The following NID1 variants were observed in gnomAD, a reference collection of about 807,000 sequenced individuals.
NID1 encodes nidogen-1.
Under a neutral mutation model 130.6 loss-of-function variants are expected in NID1, and 76 were observed. The ratio of observed to expected loss-of-function variants is 0.58; its 90% CI spans 0.48 to 0.70. The LOEUF is 0.70. Ranked by LOEUF, NID1 falls within the 30% of genes least tolerant of loss-of-function variation. NID1 has a pLI of 0.00. For missense variants in NID1, 1,517 were observed against 1,664.8 expected (o/e 0.91, Z 1.54); for synonymous variants, 665 against 675.1 (o/e 0.98, Z 0.23).
chr1:236,021,017 C>T (rs750914243), intron 9 of NID1, among the ~76,000 whole-genome samples: 29 of 152,186 alleles, frequency 1.9e-4, no homozygotes, highest in East Asian at 1.2e-3. Context: ...GAATTAGCCA[C>T]GAGGTCACAG....
chr1:235,988,302 A>C (rs12566913), intron 14 of NID1, among the ~76,000 whole-genome samples: 38,003 of 152,148 alleles, frequency 0.25, 5,773 homozygotes, highest in East Asian at 0.63. Context: ...TCAGTGTCAT[A>C]AATTATTAGG....
rs202146601 is a variant in NID1, at chr1:236,035,000, T to C, written c.1286-2348A>G. On this transcript the variant is annotated intron_variant, in intron 5 of 19. Transcript: ENST00000264187. The stretch of plus-strand genomic sequence containing the variant: ...TTTTTTTTTCTTTCTTTCTTTCTTT[T>C]TTTTTATTATACTTTAAGTTTTAGG... Among the ~76,000 whole-genome samples the C allele has an allele frequency of 1.6e-4, 24 of 150,690 alleles. 1 individual carries two copies. The East Asian group carries it at 4.3e-3, about 27-fold the overall frequency.
intron 4 of NID1, among the ~76,000 whole-genome samples, chr1:236,039,164 G>T (rs1659370896): frequency 7.1e-6 from 1 of 141,718 alleles, no homozygotes; most frequent in African/African-American, 2.6e-5. Flanking sequence ...CATTATAACA[G>T]ATAAAATATA....
At chr1:236,042,664 C>T (rs528377383) in intron 3 of NID1, among the ~76,000 whole-genome samples, 1 of 152,364 alleles carries the variant, frequency 6.6e-6, no homozygotes, top group South Asian at 2.1e-4. Flanking sequence ...GGACTGAAGT[C>T]ATTCATGCTC....
In NID1 at chr1:236,041,678, A is replaced by G. The variant is rs559476896; in HGVS notation, c.1135+232T>C. Among the ~76,000 whole-genome samples, 6 of 152,304 alleles carry G rather than the reference A, an allele frequency of 3.9e-5. No individual in the cohort carries two copies. In the East Asian group the frequency reaches 1.2e-3, roughly 29 times the overall value. The stretch of plus-strand genomic sequence containing the variant: ...AGGAAACTTGAAAGAAGACACACTC[A>G]ACAGTCTCCAAAACCATGGTCCTAA... On this transcript the variant is annotated intron_variant, in intron 4 of 19. Coordinates refer to ENST00000264187, the MANE Select transcript of NID1 (RefSeq NM_002508.3).
chr1:236,021,528 A>T (rs1658764963), intron 9 of NID1, among the ~76,000 whole-genome samples: 1 of 152,214 alleles, frequency 6.6e-6, no homozygotes, highest in Admixed American at 6.5e-5. Flanking sequence ...TTCATGTTAC[A>T]TCAGCACACC....
In NID1 at chr1:235,980,571, C is replaced by A. The variant is rs1657408149; in HGVS notation, c.3310G>T (p.Val1104Leu). 1.2e-6 allele frequency: 2 copies of A among 1,614,150 alleles called. No homozygotes were observed. Among genetic ancestry groups the A allele is most frequent in the South Asian group, 2.2e-5 (2 of 91,090 alleles). Reference sequence around the variant, plus strand: ...TTGGGCAAGCCCAGGTCATCCTGCACAAGGATCCTCCGGTTCGTGCCGTCC... The same window carrying A: ...TTGGGCAAGCCCAGGTCATCCTGCAAAAGGATCCTCCGGTTCGTGCCGTCC... ...YMDGTNRRIL[V>L]QDDLGLPNGL... The change falls in exon 17 of 20, where the codon GTG becomes TTG. Residue 1104 changes from valine to leucine, a missense_variant. Coordinates refer to ENST00000264187, the MANE Select transcript of NID1 (RefSeq NM_002508.3).
chr1:235,998,024 G>T (rs939334286), intron 12 of NID1, among the ~76,000 whole-genome samples: 2 of 152,190 alleles, frequency 1.3e-5, no homozygotes, highest in African/African-American at 4.8e-5. Context: ...GACTGTTTGA[G>T]GAGTCAGTGG....
Position 236,029,693 on chromosome 1 carries a change from A to C in NID1, c.1595T>G (p.Val532Gly). The C allele has an allele frequency of 6.2e-7, 1 of 1,614,076 alleles. No individual in the cohort carries two copies. Among genetic ancestry groups the C allele is most frequent in the Non-Finnish European group, 8.5e-7 (1 of 1,180,026 alleles). Reference protein sequence around the residue: ...VTFVGHPGNLVIKQRFSGIDE... With the variant: ...VTFVGHPGNLGIKQRFSGIDE... The stretch of plus-strand genomic sequence containing the variant: ...GATGCCGCTGAACCGCTGCTTAATG[A>C]CCAGATTGCCCGGGTGCCCCACGAA... The change falls in exon 7 of 20, where the codon GTC becomes GGC. Residue 532 changes from valine (V) to glycine (G), a missense_variant. By Grantham distance (109) the Val-to-Gly change is moderately radical. Coordinates refer to ENST00000264187, the MANE Select transcript of NID1 (RefSeq NM_002508.3).
At chr1:235,998,819 C>T (rs1467375063) in intron 12 of NID1, among the ~76,000 whole-genome samples, 3 of 152,114 alleles carry the variant, frequency 2.0e-5, no homozygotes, top group Non-Finnish European at 4.4e-5. Flanking sequence ...CATTGCAATC[C>T]TATGTGATAA....
At position 235,979,833 on chromosome 1, in the gene NID1, T is replaced by C; in HGVS notation, c.3498A>G (p.Thr1166=). ...VTSYGKNLYF[T]DWKMNSVVAL... The stretch of plus-strand genomic sequence containing the variant: ...TACAGCTGACGTACATCTTCCAGTC[T>C]GTGAAATACAGATTCTTCCCGTAGC... The change falls in exon 18 of 20, where the codon ACA becomes ACG. Residue 1166 remains threonine (T), a synonymous_variant. Transcript: ENST00000264187. This position sits in a 1 kb window ranked among gnomAD's most constrained non-coding sequence, Gnocchi z 4.6. 1.2e-6 allele frequency: 2 copies of C among 1,613,958 alleles called. No individual in the cohort carries two copies. The highest frequency in any genetic ancestry group is 1.7e-6 in the Non-Finnish European group (2 of 1,179,870).
At chr1:236,023,220 C>T (rs987544207) in intron 9 of NID1, among the ~76,000 whole-genome samples, 3 of 152,116 alleles carry the variant, frequency 2.0e-5, no homozygotes, top group East Asian at 1.9e-4. Context: ...GCAACCCATG[C>T]GTCCACTGAT....
Position 235,993,865 on chromosome 1 carries a change from C to T in NID1, c.2535G>A (p.Glu845=), listed in dbSNP as rs1219258113. Residue 845 remains glutamate, a synonymous_variant, in exon 13 of 20, where the codon GAG becomes GAA. Transcript: ENST00000264187. ...DGFRCVPGEV[E]KTRCQHEREH... ...CTCGCTCGTGCTGGCACCGGGTTTTCTCCACCTCTATCAGAGAAACAGGCA... is the reference window on the plus strand; with the variant it reads ...CTCGCTCGTGCTGGCACCGGGTTTTTTCCACCTCTATCAGAGAAACAGGCA... 2 of 1,611,014 alleles carry T rather than the reference C, an allele frequency of 1.2e-6. No homozygotes were observed. The highest frequency in any genetic ancestry group is 2.2e-5 in the East Asian group (1 of 44,778).
intron 1 of NID1, 100 bp downstream of exon 1, chr1:236,064,755 C>T: frequency 8.7e-7 from 1 of 1,151,134 alleles, no homozygotes; most frequent in Non-Finnish European, 1.2e-6. Context: ...CCAGCGGGTC[C>T]GGGTCCCCGC....
At chr1:236,054,796 C>T (rs1399345698) in intron 1 of NID1, among the ~76,000 whole-genome samples, 1 of 151,492 alleles carries the variant, frequency 6.6e-6, no homozygotes, top group Non-Finnish European at 1.5e-5. Context: ...TGTGTGCCAC[C>T]ACATCTGGCT....
chr1:236,037,946 C>T (rs952634750), intron 5 of NID1, among the ~76,000 whole-genome samples, 158 bp downstream of exon 5: 3 of 151,876 alleles, frequency 2.0e-5, no homozygotes, highest in African/African-American at 4.8e-5. Flanking sequence ...GTAGAGAATA[C>T]GAGAAAAAAT....
intron 2 of NID1, among the ~76,000 whole-genome samples, 153 bp from the exon 3 acceptor site, chr1:236,045,836 C>G (rs1199949716): frequency 6.6e-6 from 1 of 152,160 alleles, no homozygotes; most frequent in Non-Finnish European, 1.5e-5. Flanking sequence ...TAGCAAGAAC[C>G]TAGGATTCTG....
chr1:236,045,571 T>C lies in NID1; in HGVS notation c.638A>G (p.Asn213Ser), dbSNP rs141083036. The C allele has an allele frequency of 6.4e-4, 1,034 of 1,614,168 alleles. 2 individuals carry two copies. Among genetic ancestry groups the C allele is most frequent in the Middle Eastern group, 2.3e-3 (14 of 6,062 alleles). Residue 213 changes from asparagine (N) to serine (S), a missense_variant, in exon 3 of 20, where the codon AAC becomes AGC. By Grantham distance (46) the Asn-to-Ser change is conservative. Around this residue, in one of 3 missense-constraint regions of NID1, gnomAD observed 1,329 missense variants for 1,429.2 expected, o/e 0.93. Transcript: ENST00000264187. ...FHTTFSKKEN[N>S]QVPAVVAFSQ... is the part of the protein sequence containing the mutation. ...GAATGCAACCACGGCAGGAACTTGG[T>C]TGTTTTCCTTCTTTGAGAATGTCGT... is the stretch of plus-strand genomic sequence containing the variant.
At chr1:236,021,223 A>G (rs1255966214) in intron 9 of NID1, among the ~76,000 whole-genome samples, 1 of 152,212 alleles carries the variant, frequency 6.6e-6, no homozygotes, top group Non-Finnish European at 1.5e-5. Context: ...AACTGGCCAG[A>G]GCCAATTCAG....
Sources: allele counts gnomAD v4.1 joint callset (sites outside exome capture counted in the v4.1 genomes callset), GRCh38; gene constraint gnomAD v4.1.1; regional missense constraint gnomAD v4.1.1; non-coding constraint Gnocchi (gnomAD v3.1); transcripts MANE v1.5; gene names NCBI Gene and HGNC (gene_info 2026-07-23, HGNC 2026-07-21).